Variants in ACP6 observed in about 807,000 individuals in gnomAD.
ACP6 encodes the protein lysophosphatidic acid phosphatase type 6.
ACP6 carries 48 observed loss-of-function variants against 48.1 expected under a neutral mutation model. The ratio of observed to expected loss-of-function variants is 1.00; its 90% CI spans 0.79 to 1.27. The LOEUF (loss-of-function observed/expected upper bound fraction) is 1.27, where lower values mean the gene tolerates loss of function less well. ACP6 is among the 50% of genes most tolerant of loss of function. The probability of loss-of-function intolerance (pLI) is 0.00; values close to 1 mark genes in which losing one functional copy is unlikely to be tolerated. For synonymous variants in ACP6, 172 were observed against 204.2 expected (o/e 0.84, Z 1.34); for missense variants, 485 against 529.1 (o/e 0.92, Z 0.82).
intron 5 of ACP6, among the ~76,000 whole-genome samples, chr1:147,631,652 A>G (rs1367650343): frequency 6.6e-6 from 1 of 152,078 alleles, no homozygotes; most frequent in Non-Finnish European, 1.5e-5. Context: ...CGTCTCTACT[A>G]AAAATACAAA....
At chr1:147,669,196 G>C (rs1660950251) in intron 1 of ACP6, among the ~76,000 whole-genome samples, 2 of 151,528 alleles carry the variant, frequency 1.3e-5, no homozygotes, top group African/African-American at 2.4e-5. Flanking sequence ...AATTTGTTCC[G>C]ACCTCAGATC....
chr1:147,647,431 C>T lies in ACP6; in HGVS notation c.1279G>A (p.Glu427Lys), dbSNP rs782076569. The T allele has an allele frequency of 6.2e-7, 1 of 1,614,090 alleles. No homozygotes were observed. The highest frequency in any genetic ancestry group is 2.2e-5 in the East Asian group (1 of 44,886). Residue 427 changes from glutamate to lysine, a missense_variant, in exon 10 of 10, where the codon GAA (glutamate) becomes AAA (lysine). Coordinates refer to ENST00000583509, the MANE Select transcript of ACP6 (RefSeq NM_016361.5). ...CTGCTTTTATAAATCAGTTACTCTT[C>T]ATTTCCAACTTCCATCACCTGAGTT... ...SQTQVMEVGN[E>K]E
chr1:147,668,164 C>T (rs1660898008), intron 1 of ACP6, among the ~76,000 whole-genome samples: 1 of 152,232 alleles, frequency 6.6e-6, no homozygotes, highest in African/African-American at 2.4e-5. Context: ...GAGCCGAAGA[C>T]GTTTAAAGCA....
At chr1:147,655,318 T>G (rs1660198416) in intron 4 of ACP6, 70 bp from the exon 5 acceptor site, 1 of 1,131,098 alleles carries the variant, frequency 8.8e-7, no homozygotes, top group Non-Finnish European at 1.3e-6. Context: ...TCCACCCCCT[T>G]CTCTTTGTCT....
rs1553209896 is a variant in ACP6 at position 147,648,338 on chromosome 1, T to A, written c.1051A>T (p.Lys351Ter). Residue 351 changes from lysine (K) to a stop codon, truncating the protein, a stop_gained, in exon 9 of 10, where the codon AAA (lysine) becomes TAA (stop). Transcript: ENST00000583509. LOFTEE classifies it high-confidence loss of function. Reference sequence around the variant, plus strand: ...AGGTCAACAGCAAACGGTGGCCATTTGTGGTCAAAAATCCCCAGGGTCATT... The same window carrying A: ...AGGTCAACAGCAAACGGTGGCCATTAGTGGTCAAAAATCCCCAGGGTCATT... Reference protein sequence around the residue: ...LLMTLGIFDHKWPPFAVDLTM... With the variant: ...LLMTLGIFDH 6.2e-7 allele frequency: 1 copy of A among 1,614,158 alleles called. No individual in the cohort carries two copies. Among genetic ancestry groups the A allele is most frequent in the East Asian group, 2.2e-5 (1 of 44,882 alleles).
At chr1:147,668,824 T>C (rs1261635757) in intron 1 of ACP6, among the ~76,000 whole-genome samples, 1 of 152,232 alleles carries the variant, frequency 6.6e-6, no homozygotes, top group Non-Finnish European at 1.5e-5. Context: ...TTTAATTTCA[T>C]GTGCGGCCAA....
Position 147,659,627 on chromosome 1 carries a change from A to G in ACP6, c.348+20T>C. 6.2e-7 allele frequency: 1 copy of G among 1,614,024 alleles called. No individual in the cohort carries two copies. The highest frequency in any genetic ancestry group is 8.5e-7 in the Non-Finnish European group (1 of 1,179,936). ...CAACCTTTGCAGTGGGGCTCCCCAG[A>G]GCAAGGAAGCATTGCTCACCTTCAG... On this transcript the variant is annotated intron_variant, in intron 2 of 9. Transcript: ENST00000583509.
At chr1:147,656,836 G>A (rs1553211709) in intron 4 of ACP6, among the ~76,000 whole-genome samples, 1 of 152,138 alleles carries the variant, frequency 6.6e-6, no homozygotes. Flanking sequence ...AACAATATTT[G>A]AGTAAAAAAG....
At chr1:147,660,620 A>G (rs79320318) in intron 1 of ACP6, among the ~76,000 whole-genome samples, 1,818 of 152,262 alleles carry the variant, frequency 0.012, 40 homozygotes, top group African/African-American at 0.041. Context: ...TGGTCCTTCC[A>G]TTATCTTATT....
intron 1 of ACP6, among the ~76,000 whole-genome samples, chr1:147,660,270 T>C (rs1239439561): frequency 6.6e-6 from 1 of 152,222 alleles, no homozygotes; most frequent in Non-Finnish European, 1.5e-5. Flanking sequence ...GCAGCTGCCA[T>C]CTCAGAAGAT....
chr1:147,641,797 T>A (rs1390694697), downstream of ACP6, among the ~76,000 whole-genome samples: 2 of 152,058 alleles, frequency 1.3e-5, no homozygotes, highest in Non-Finnish European at 2.9e-5. Context: ...AACTGGTGAG[T>A]GAGGGAGCCA....
At position 147,659,541 on chromosome 1, in the gene ACP6, A is replaced by G. The variant is rs782398808; in HGVS notation, c.349-15T>C. On this transcript the variant is annotated splice_polypyrimidine_tract_variant and intron_variant, in intron 2 of 9. Coordinates refer to ENST00000583509, the MANE Select transcript of ACP6 (RefSeq NM_016361.5). ...AACATGCCCCCCTAAAGTAGGGAAG[A>G]AAGAGAAAGAAGAATGAAAACACCT... is the stretch of plus-strand genomic sequence containing the variant. 2 of 1,611,580 alleles carry G rather than the reference A, an allele frequency of 1.2e-6. No homozygotes were observed. The highest frequency in any genetic ancestry group is 1.7e-6 in the Non-Finnish European group (2 of 1,179,928).
intron 5 of ACP6, among the ~76,000 whole-genome samples, chr1:147,634,290 T>C (rs1659243981): frequency 6.6e-6 from 1 of 152,216 alleles, no homozygotes; most frequent in Admixed American, 6.5e-5. Flanking sequence ...CGTTTTTTGA[T>C]GAGGATTTTT....
intron 5 of ACP6, among the ~76,000 whole-genome samples, chr1:147,632,271 G>A (rs782229393): frequency 7.9e-5 from 12 of 151,664 alleles, no homozygotes; most frequent in Non-Finnish European, 1.8e-4. Flanking sequence ...TAGCAATTAT[G>A]TATTTTATCT....
At chr1:147,652,837 G>GT (rs1349039540) in intron 6 of ACP6, among the ~76,000 whole-genome samples, 150,256 of 150,354 alleles carry the variant, frequency 1, 75,079 homozygotes, top group Middle Eastern at 1. Flanking sequence ...TGTTTTTTTG[G>GT]TTTTTTTGAG....
rs587700767 is a variant in ACP6, at chr1:147,645,911, A to T, written c.*1512T>A. On this transcript the variant is annotated 3_prime_UTR_variant, in exon 10 of 10. Coordinates refer to ENST00000583509, the MANE Select transcript of ACP6 (RefSeq NM_016361.5). ...ATCCAGAAAAAAGACACTAGGAGTC[A>T]ATGTAAAGCTAGAGGGTTGGGCTTT... 2 of 152,368 alleles carry T rather than the reference A, an allele frequency of 1.3e-5. No homozygotes were observed. The highest frequency in any genetic ancestry group is 4.1e-4 in the South Asian group (2 of 4,828). The allele number at this position is 152,368 out of a possible 1,614,324, so 9.4% of individuals were successfully genotyped here.
intron 1 of ACP6, among the ~76,000 whole-genome samples, chr1:147,667,343 G>A (rs587674003): frequency 1.3e-5 from 2 of 151,792 alleles, no homozygotes; most frequent in South Asian, 2.1e-4. Context: ...TCAGCCTCCC[G>A]AGTAGCTGGG....
intron 5 of ACP6, among the ~76,000 whole-genome samples, 181 bp from the exon 6 acceptor site, chr1:147,654,507 T>C (rs1660130415): frequency 6.6e-6 from 1 of 152,226 alleles, no homozygotes; most frequent in Non-Finnish European, 1.5e-5. Flanking sequence ...AAATGACTTA[T>C]AACGTTAAGT....
At chr1:147,637,264 C>T (rs116808776), downstream of ACP6, among the ~76,000 whole-genome samples, 262 of 152,298 alleles carry the variant, frequency 1.7e-3, 1 homozygote, top group African/African-American at 6.1e-3. Flanking sequence ...GTGTGACCCT[C>T]TACAATACTT....
Sources: gnomAD v4.1 joint callset for allele counts (sites outside exome capture counted in the v4.1 genomes callset) on GRCh38, gnomAD v4.1.1 for gene constraint, MANE v1.5 for transcripts, NCBI Gene and HGNC (gene_info 2026-07-23, HGNC 2026-07-21) for gene names.